Variants in ONECUT2 observed in about 807,000 individuals in gnomAD.
The protein encoded by ONECUT2 is one cut homeobox 2, also known as one cut domain family member 2.
ONECUT2 carries 10 observed loss-of-function variants against 27.9 expected under a neutral mutation model. That is an observed-to-expected ratio of 0.36 (90% CI 0.22 to 0.61). ONECUT2 has a LOEUF of 0.61. Among genes scored for constraint, ONECUT2 ranks in the 20% least tolerant of loss-of-function variants. The pLI is 0.73. For missense variants in ONECUT2, 686 were observed against 721.0 expected (o/e 0.95, Z 0.56); for synonymous variants, 334 against 315.1 (o/e 1.06, Z -0.64).
At chr18:57,446,797 A>G (rs2050202280) in intron 1 of ONECUT2, among the ~76,000 whole-genome samples, 2 of 152,206 alleles carry the variant, frequency 1.3e-5, no homozygotes, top group Non-Finnish European at 2.9e-5. Context: ...CATCCTGCAC[A>G]TTGAGGTAAT....
intron 1 of ONECUT2, among the ~76,000 whole-genome samples, chr18:57,472,647 C>T (rs2050360259): frequency 6.6e-6 from 1 of 152,122 alleles, no homozygotes; most frequent in Non-Finnish European, 1.5e-5. Context: ...TCTGTTCTCT[C>T]TGTGCAGTTT....
intron 1 of ONECUT2, among the ~76,000 whole-genome samples, chr18:57,451,298 A>G (rs553877662): frequency 6.6e-6 from 1 of 152,232 alleles, no homozygotes; most frequent in Non-Finnish European, 1.5e-5. Context: ...GCTGTGCTGC[A>G]TGATAACTAG....
In ONECUT2 at chr18:57,464,571, T is replaced by C. The variant is rs537956920; in HGVS notation, c.1229-11866T>C. Among the ~76,000 whole-genome samples, 11 of 152,372 alleles carry C rather than the reference T, an allele frequency of 7.2e-5. 1 individual carries two copies. Among genetic ancestry groups the C allele is most frequent in the Admixed American group, 2.0e-4 (3 of 15,310 alleles). ...GACTTCCAAATCTGGTGGTAAACTA[T>C]GCAAGACAGAGATACTTTTCCAAAG... is the stretch of plus-strand genomic sequence containing the variant. On this transcript the variant is annotated intron_variant, in intron 1 of 1. Transcript: ENST00000491143.
chr18:57,435,673 G>GGC lies in ONECUT2; in HGVS notation c.-44_-43insGC. The GGC allele has an allele frequency of 6.3e-6, 6 of 956,272 alleles. No homozygotes were observed. The highest frequency in any genetic ancestry group is 1.9e-5 in the African/African-American group (1 of 53,796). 59.2% of individuals were successfully genotyped at this position (956,272 alleles called of 1,614,324 possible). On this transcript the variant is annotated 5_prime_UTR_variant, in exon 1 of 2. Transcript: ENST00000491143. Reference sequence around the variant, plus strand: ...CCACGCGCGCCTTGCCCGCCCGCCGGCCGCCCCCGCCGCCCCCGCCGCCCC... The same window carrying GGC: ...CCACGCGCGCCTTGCCCGCCCGCCGGGCCCGCCCCCGCCGCCCCCGCCGCCCC...
Position 57,482,059 on chromosome 18 carries a change from G to A in ONECUT2, c.*5336G>A, listed in dbSNP as rs369321042. On this transcript the variant is annotated 3_prime_UTR_variant, in exon 2 of 2. Transcript: ENST00000491143. ...TAGTAATTTTTTTATCTTTAGCTAAGATCAAGTCACCCCTGAAACAACAGG... is the reference window on the plus strand; with the variant it reads ...TAGTAATTTTTTTATCTTTAGCTAAAATCAAGTCACCCCTGAAACAACAGG... The A allele has an allele frequency of 6.6e-6, 1 of 152,120 alleles. No individual in the cohort carries two copies. The highest frequency in any genetic ancestry group is 1.9e-4 in the East Asian group (1 of 5,196). The allele number at this position is 152,120 out of a possible 1,614,324, so 9.4% of individuals were successfully genotyped here. A position where few individuals can be genotyped will look rare whatever the true frequency, so the allele number is the denominator to read the frequency against.
chr18:57,483,989 G>C lies in ONECUT2; in HGVS notation c.*7266G>C, dbSNP rs1273400762. On this transcript the variant is annotated 3_prime_UTR_variant, in exon 2 of 2. Coordinates refer to ENST00000491143, the MANE Select transcript of ONECUT2 (RefSeq NM_004852.3). ...AGAGCAAATTTTGTGGACAAGCAAT[G>C]ACTATTCAGCCTGAACCTGTGCATT... 1.3e-5 allele frequency: 2 copies of C among 152,586 alleles called. No individual in the cohort carries two copies. Among genetic ancestry groups the C allele is most frequent in the Non-Finnish European group, 2.9e-5 (2 of 68,034 alleles). The allele number at this position is 152,586 out of a possible 1,614,324, so 9.5% of individuals were successfully genotyped here. A position where few individuals can be genotyped will look rare whatever the true frequency, so the allele number is the denominator to read the frequency against.
At chr18:57,437,912 G>A (rs1255189825) in intron 1 of ONECUT2, among the ~76,000 whole-genome samples, 2 of 152,224 alleles carry the variant, frequency 1.3e-5, no homozygotes, top group African/African-American at 4.8e-5. Flanking sequence ...CATTAAGCGG[G>A]CGCTGATTGT....
chr18:57,438,227 G>T (rs2050154339), intron 1 of ONECUT2, among the ~76,000 whole-genome samples: 1 of 152,262 alleles, frequency 6.6e-6, no homozygotes, highest in South Asian at 2.1e-4. Flanking sequence ...GGGCCCAGAG[G>T]GGCAAAATGT....
At chr18:57,464,231 T>G (rs1045215090) in intron 1 of ONECUT2, among the ~76,000 whole-genome samples, 3 of 152,198 alleles carry the variant, frequency 2.0e-5, no homozygotes, top group African/African-American at 4.8e-5. Context: ...GAATTCTGCC[T>G]GTCAAATAAT....
intron 1 of ONECUT2, among the ~76,000 whole-genome samples, chr18:57,457,185 T>C (rs570453): frequency 0.11 from 16,650 of 152,178 alleles, 979 homozygotes; most frequent in Middle Eastern, 0.21. Context: ...TCCACATCCT[T>C]GCCAACATTT....
chr18:57,447,734 A>G (rs1426773290), intron 1 of ONECUT2, among the ~76,000 whole-genome samples: 2 of 151,924 alleles, frequency 1.3e-5, no homozygotes, highest in Non-Finnish European at 2.9e-5. Flanking sequence ...CCCCAGATGC[A>G]TGCTCCTGAT....
At chr18:57,467,710 A>G (rs756376509) in intron 1 of ONECUT2, among the ~76,000 whole-genome samples, 5 of 152,042 alleles carry the variant, frequency 3.3e-5, no homozygotes, top group African/African-American at 4.8e-5. Context: ...ACTACAGGAA[A>G]TCTCCCCAGG....
intron 1 of ONECUT2, among the ~76,000 whole-genome samples, chr18:57,461,405 A>G (rs1809193801): frequency 6.6e-6 from 1 of 152,204 alleles, no homozygotes; most frequent in Non-Finnish European, 1.5e-5. Flanking sequence ...ATTCTTGTAC[A>G]TGTACATGCA....
chr18:57,445,547 G>C (rs868761346), intron 1 of ONECUT2, among the ~76,000 whole-genome samples: 3 of 151,986 alleles, frequency 2.0e-5, no homozygotes, highest in African/African-American at 7.3e-5. Flanking sequence ...TATCTCTTGG[G>C]TTGTTTTTGT....
At chr18:57,458,169 C>T (rs1038513095) in intron 1 of ONECUT2, among the ~76,000 whole-genome samples, 5 of 152,174 alleles carry the variant, frequency 3.3e-5, no homozygotes, top group African/African-American at 1.2e-4. Context: ...TAATATTTTG[C>T]TTTTATTAAA....
In ONECUT2 at chr18:57,436,784, T is replaced by C. The variant is rs61735644; in HGVS notation, c.1068T>C (p.Phe356=). The change falls in exon 1 of 2, where the codon TTT becomes TTC. Residue 356 remains phenylalanine (F), a synonymous_variant. Coordinates refer to ENST00000491143, the MANE Select transcript of ONECUT2 (RefSeq NM_004852.3). This position sits in a 1 kb window ranked among gnomAD's most constrained non-coding sequence, Gnocchi z 5.9. ...LKRYSIPQAI[F]AQRVLCRSQG... is the part of the protein sequence containing the mutation. ...GCTACAGTATCCCCCAGGCGATCTTTGCGCAGAGGGTGCTGTGCCGGTCTC... is the reference window on the plus strand; with the variant it reads ...GCTACAGTATCCCCCAGGCGATCTTCGCGCAGAGGGTGCTGTGCCGGTCTC... 120,926 of 1,613,972 alleles carry C rather than the reference T, an allele frequency of 0.075. 6,129 individuals carry two copies. The highest frequency in any genetic ancestry group is 0.2 in the African/African-American group (14,693 of 75,042).
intron 1 of ONECUT2, among the ~76,000 whole-genome samples, chr18:57,455,301 T>A (rs2050252831): frequency 6.6e-6 from 1 of 152,234 alleles, no homozygotes; most frequent in African/African-American, 2.4e-5. Flanking sequence ...GACATCCAGA[T>A]GTTGCTTTTT....
At position 57,490,769 on chromosome 18, in the gene ONECUT2, G is replaced by A. The variant is rs2050461881; in HGVS notation, c.*14046G>A. 6.6e-6 allele frequency: 1 copy of A among 152,184 alleles called. No homozygotes were observed. Among genetic ancestry groups the A allele is most frequent in the Non-Finnish European group, 1.5e-5 (1 of 68,018 alleles). The allele number at this position is 152,184 out of a possible 1,614,324, so 9.4% of individuals were successfully genotyped here. A position where few individuals can be genotyped will look rare whatever the true frequency, so the allele number is the denominator to read the frequency against. ...TTGCTTTCACGGGTATTATTGCCAA[G>A]AAAATCGTAGGGAAAAACTTTAAAC... is the stretch of plus-strand genomic sequence containing the variant. On this transcript the variant is annotated 3_prime_UTR_variant, in exon 2 of 2. Transcript: ENST00000491143.
At chr18:57,467,344 G>A (rs2050327092) in intron 1 of ONECUT2, 1 of 271,342 alleles carries the variant, frequency 3.7e-6, no homozygotes, top group Admixed American at 5.5e-5. Flanking sequence ...CATTTCCTTT[G>A]GTTTTTTTTT....
Sources: gnomAD v4.1 joint callset for allele counts (sites outside exome capture counted in the v4.1 genomes callset) on GRCh38, gnomAD v4.1.1 for gene constraint, Gnocchi (gnomAD v3.1) non-coding constraint, MANE v1.5 for transcripts, NCBI Gene and HGNC (gene_info 2026-07-23, HGNC 2026-07-21) for gene names.